The following PRKG1 variants were observed in gnomAD, a reference collection of about 807,000 sequenced individuals.
The protein encoded by PRKG1 is cGMP-dependent protein kinase 1.
A neutral mutation model predicts 88.1 loss-of-function variants in PRKG1; 35 were observed. The observed-to-expected ratio is 0.40, with a 90% confidence interval of 0.30 to 0.53. PRKG1 has a LOEUF of 0.53. PRKG1 is among the 20% of genes least tolerant of loss of function. The pLI is 0.59. For synonymous variants in PRKG1, 303 were observed against 292.5 expected (o/e 1.04, Z -0.37); for missense variants, 540 against 839.8 (o/e 0.64, Z 4.41).
At chr10:51,628,543 T>C (rs968767862) in intron 3 of PRKG1, among the ~76,000 whole-genome samples, 1 of 152,226 alleles carries the variant, frequency 6.6e-6, no homozygotes, top group Non-Finnish European at 1.5e-5. Flanking sequence ...TATATATTTT[T>C]ACCATTTAAG....
At chr10:52,249,290 T>C (rs2132396682) in intron 9 of PRKG1, among the ~76,000 whole-genome samples, 1 of 151,514 alleles carries the variant, frequency 6.6e-6, no homozygotes, top group Non-Finnish European at 1.5e-5. Context: ...GCCATTTTAA[T>C]CCACCCCAAA....
chr10:51,972,689 C>G (rs867642554), intron 5 of PRKG1, among the ~76,000 whole-genome samples: 3 of 152,092 alleles, frequency 2.0e-5, no homozygotes, highest in Non-Finnish European at 4.4e-5. Context: ...TTAATATCCC[C>G]AAATTCTGAC....
At chr10:51,497,492 C>T (rs1328075509) in intron 3 of PRKG1, among the ~76,000 whole-genome samples, 1 of 152,104 alleles carries the variant, frequency 6.6e-6, no homozygotes, top group African/African-American at 2.4e-5. Context: ...TGTGAAATTA[C>T]AAATGTGATG....
At chr10:51,700,895 C>A (rs963152825) in intron 3 of PRKG1, among the ~76,000 whole-genome samples, 3 of 152,092 alleles carry the variant, frequency 2.0e-5, no homozygotes, top group Admixed American at 2.0e-4. Context: ...AAATAAAAAT[C>A]ATTTTGAAGA....
chr10:52,068,918 C>G (rs564979073), intron 7 of PRKG1, among the ~76,000 whole-genome samples: 1 of 152,290 alleles, frequency 6.6e-6, no homozygotes, highest in Admixed American at 6.5e-5. Flanking sequence ...GGAACAGACC[C>G]CTGAATGCCA....
Position 51,153,278 on chromosome 10 carries a change from C to T in PRKG1, c.426C>T (p.Asp142=), listed in dbSNP as rs55754654. The change falls in exon 2 of 18, where the codon GAC becomes GAT. Residue 142 remains aspartate (D), a synonymous_variant. Transcript: ENST00000373980. ...TGTACCCGGTGGAGTATGGCAAGGACAGTTGCATCATCAAAGAAGGAGACG... is the reference window on the plus strand; with the variant it reads ...TGTACCCGGTGGAGTATGGCAAGGATAGTTGCATCATCAAAGAAGGAGACG... The part of the protein sequence containing the change: ...DCMYPVEYGK[D]SCIIKEGDVG... 5.8e-3 allele frequency: 9,296 copies of T among 1,612,176 alleles called. 34 individuals are homozygous for T. Among genetic ancestry groups the T allele is most frequent in the Non-Finnish European group, 7.1e-3 (8,321 of 1,178,812 alleles).
At chr10:52,036,751 T>C (rs979696074) in intron 5 of PRKG1, among the ~76,000 whole-genome samples, 7 of 151,802 alleles carry the variant, frequency 4.6e-5, no homozygotes, top group African/African-American at 2.4e-5. Flanking sequence ...ATAAGGGAAC[T>C]GGGCAGGTGG....
intron 2 of PRKG1, among the ~76,000 whole-genome samples, chr10:51,190,430 G>A (rs1333394930): frequency 1.3e-5 from 2 of 151,796 alleles, no homozygotes; most frequent in Non-Finnish European, 2.9e-5. Flanking sequence ...GATTAGCAAG[G>A]TAGATGGGTA....
chr10:51,834,458 C>T lies in PRKG1; in HGVS notation c.698+29768C>T, dbSNP rs577149031. On this transcript the variant is annotated intron_variant, in intron 4 of 17. Transcript: ENST00000373980. ...GAGTTTGAGACCAGCCTGGGCAACA[C>T]GGAGAAACCCCATCTCTACAATATA... Among the ~76,000 whole-genome samples the T allele has an allele frequency of 3.0e-3, 457 of 151,822 alleles. 1 individual carries two copies. The highest frequency in any genetic ancestry group is 5.7e-3 in the Non-Finnish European group (385 of 67,890).
At chr10:52,267,930 G>A (rs1053806243) in intron 10 of PRKG1, among the ~76,000 whole-genome samples, 2 of 152,120 alleles carry the variant, frequency 1.3e-5, no homozygotes, top group African/African-American at 2.4e-5. Flanking sequence ...TCTTTGGGAA[G>A]TTGTTGGTTT....
intron 1 of PRKG1, among the ~76,000 whole-genome samples, chr10:51,126,943 C>T (rs1466685651): frequency 3.3e-5 from 5 of 152,138 alleles, no homozygotes; most frequent in Non-Finnish European, 7.4e-5. Flanking sequence ...TTTCCTTACA[C>T]CTTGCATAAA....
Position 52,161,934 on chromosome 10 carries a change from A to G in PRKG1, c.1047A>G (p.Lys349=). 8 of 1,612,520 alleles carry G rather than the reference A, an allele frequency of 5.0e-6. No homozygotes were observed. Among genetic ancestry groups the G allele is most frequent in the Non-Finnish European group, 6.8e-6 (8 of 1,179,350 alleles). ...GAGGGCTGGATGATGTTTCTAATAA[A>G]GCATATGAAGATGCAGAAGCTAAAG... ...LIGGLDDVSN[K]AYEDAEAKAK... is the part of the protein sequence containing the mutation. Residue 349 remains lysine (K), a synonymous_variant, in exon 9 of 18, where the codon AAA becomes AAG. Coordinates refer to ENST00000373980, the MANE Select transcript of PRKG1 (RefSeq NM_006258.4).
chr10:51,268,366 G>A (rs1488378104), intron 2 of PRKG1, among the ~76,000 whole-genome samples: 10 of 152,142 alleles, frequency 6.6e-5, no homozygotes, highest in African/African-American at 2.4e-4. Context: ...GCCTGGGAGT[G>A]CTATGGGAGA....
intron 5 of PRKG1, among the ~76,000 whole-genome samples, chr10:51,940,840 T>C (rs575122546): frequency 8.5e-5 from 13 of 152,112 alleles, no homozygotes; most frequent in Non-Finnish European, 1.8e-4. Flanking sequence ...ACACATCCTT[T>C]TGAGGGAAAA....
intron 2 of PRKG1, among the ~76,000 whole-genome samples, chr10:51,211,805 T>G (rs1386852331): frequency 2.0e-5 from 3 of 151,958 alleles, no homozygotes; most frequent in African/African-American, 7.3e-5. Context: ...CACTGTTCAA[T>G]GAAATAAAAG....
intron 2 of PRKG1, among the ~76,000 whole-genome samples, chr10:51,266,311 G>GGATT (rs1457944972): frequency 1.3e-5 from 2 of 152,126 alleles, no homozygotes; most frequent in African/African-American, 4.8e-5. Flanking sequence ...GTAGTGTATG[G>GGATT]GATTGATTGA....
intron 2 of PRKG1, among the ~76,000 whole-genome samples, chr10:51,306,885 A>C (rs1261091449): frequency 2.0e-5 from 3 of 152,208 alleles, no homozygotes; most frequent in Non-Finnish European, 2.9e-5. Flanking sequence ...AAGAAACTTC[A>C]ACTTAGAAAG....
At chr10:52,015,149 A>G (rs2133179005) in intron 5 of PRKG1, among the ~76,000 whole-genome samples, 1 of 152,298 alleles carries the variant, frequency 6.6e-6, no homozygotes, top group African/African-American at 2.4e-5. Context: ...GCATTGCCCT[A>G]GTATAGGTTC....
At chr10:51,910,001 T>C (rs1010333039) in intron 5 of PRKG1, 3 of 152,296 alleles carry the variant, frequency 2.0e-5, no homozygotes, top group African/African-American at 4.8e-5. Flanking sequence ...TGGTTACACA[T>C]GCAGGTGGGT....
Sources: gnomAD v4.1 joint callset for allele counts (sites outside exome capture counted in the v4.1 genomes callset) on GRCh38, gnomAD v4.1.1 for gene constraint, MANE v1.5 for transcripts, NCBI Gene and HGNC (gene_info 2026-07-23, HGNC 2026-07-21) for gene names.